The following CFAP44 variants were observed in gnomAD, a reference collection of about 807,000 sequenced individuals.
CFAP44 encodes cilia- and flagella-associated protein 44.
A neutral mutation model predicts 216.2 loss-of-function variants in CFAP44; 134 were observed. The observed-to-expected ratio is 0.62, with a 90% CI of 0.54 to 0.72. The LOEUF is 0.72. CFAP44 is among the 30% of genes least tolerant of loss of function. CFAP44 has a pLI of 0.00. For synonymous variants in CFAP44, 700 were observed against 727.6 expected (o/e 0.96, Z 0.61); for missense variants, 2,035 against 2,182.1 (o/e 0.93, Z 1.34).
At chr3:113,377,664 TA>T (rs1933386040) in intron 17 of CFAP44, among the ~76,000 whole-genome samples, 1 of 152,106 alleles carries the variant, frequency 6.6e-6, no homozygotes, top group African/African-American at 2.4e-5. Context: ...AACATATATA[TA>T]TTTTTTGAGA....
chr3:113,357,838 T>G (rs893445154), intron 22 of CFAP44, among the ~76,000 whole-genome samples: 1 of 152,116 alleles, frequency 6.6e-6, no homozygotes, highest in African/African-American at 2.4e-5. Flanking sequence ...GTTCCACAAC[T>G]GAGTATATAA....
intron 1 of CFAP44, among the ~76,000 whole-genome samples, chr3:113,439,079 A>G (rs956954897): frequency 2.0e-5 from 3 of 152,210 alleles, no homozygotes; most frequent in Non-Finnish European, 4.4e-5. Context: ...TCTACATTCT[A>G]TTAGTAAACT....
chr3:113,339,326 G>T (rs1950309444), intron 24 of CFAP44, among the ~76,000 whole-genome samples: 1 of 152,342 alleles, frequency 6.6e-6, no homozygotes, highest in Middle Eastern at 3.4e-3. Context: ...AGGGAATAGA[G>T]GCAGCCCTCA....
chr3:113,307,869 A>G (rs1950001289), intron 29 of CFAP44, among the ~76,000 whole-genome samples: 1 of 152,104 alleles, frequency 6.6e-6, no homozygotes, highest in Non-Finnish European at 1.5e-5. Flanking sequence ...AGTCCCAACT[A>G]CTCGGGAGGC....
chr3:113,359,537 C>T (rs35765657), intron 21 of CFAP44, among the ~76,000 whole-genome samples: 19,171 of 152,082 alleles, frequency 0.13, 1,248 homozygotes, highest in Non-Finnish European at 0.15. Flanking sequence ...AATTTTATTA[C>T]CCATGCTCTG....
chr3:113,347,630 C>A (rs535575004), intron 22 of CFAP44, among the ~76,000 whole-genome samples: 1 of 152,142 alleles, frequency 6.6e-6, no homozygotes, highest in South Asian at 2.1e-4. Flanking sequence ...GGTGGGGAGA[C>A]CAACTATCCT....
At chr3:113,389,475 G>A (rs1933736977) in intron 15 of CFAP44, among the ~76,000 whole-genome samples, 1 of 151,746 alleles carries the variant, frequency 6.6e-6, no homozygotes, top group Non-Finnish European at 1.5e-5. Context: ...AAAAGCAAGT[G>A]CAAACCAAAC....
intron 24 of CFAP44, among the ~76,000 whole-genome samples, chr3:113,340,784 G>C (rs760001882): frequency 1.3e-5 from 2 of 152,228 alleles, no homozygotes; most frequent in Non-Finnish European, 2.9e-5. Flanking sequence ...TTATCACAAG[G>C]ACAGAGGGAT....
intron 14 of CFAP44, 124 bp downstream of exon 14, chr3:113,396,394 G>A (rs1933991129): frequency 9.0e-7 from 1 of 1,115,108 alleles, no homozygotes; most frequent in Non-Finnish European, 1.3e-6. Context: ...TACAAAGAAA[G>A]CAAAATGTGA....
At chr3:113,294,308 C>T (rs1949859203) in intron 34 of CFAP44, 1 of 290,968 alleles carries the variant, frequency 3.4e-6, no homozygotes, top group Non-Finnish European at 6.7e-6. Context: ...GGGTAGATTT[C>T]ACCACTCAAG....
intron 28 of CFAP44, among the ~76,000 whole-genome samples, chr3:113,319,365 G>A (rs889896154): frequency 6.6e-5 from 10 of 152,110 alleles, no homozygotes; most frequent in Middle Eastern, 3.2e-3. Flanking sequence ...GATAAAGAGT[G>A]CAATCCAACA....
At chr3:113,389,549 A>G (rs1022328928) in intron 15 of CFAP44, among the ~76,000 whole-genome samples, 2 of 152,102 alleles carry the variant, frequency 1.3e-5, no homozygotes, top group African/African-American at 4.8e-5. Context: ...ATTGAAAGAA[A>G]ACAAAAGATC....
In CFAP44 at chr3:113,399,951, C is replaced by T. The variant is rs140307657; in HGVS notation, c.1524G>A (p.Met508Ile). The T allele has an allele frequency of 2.1e-4, 333 of 1,603,326 alleles. 1 individual carries two copies. The African/African-American group carries it at 3.9e-3, about 19-fold the overall frequency. Residue 508 changes from methionine (M) to isoleucine (I), a missense_variant, in exon 13 of 35, where the codon ATG becomes ATA. By Grantham distance (10) the Met-to-Ile change is conservative. This residue lies in a region of CFAP44 where 1,883 missense variants were observed against 2,023.7 expected (regional missense o/e 0.93). Coordinates refer to ENST00000393845, the MANE Select transcript of CFAP44 (RefSeq NM_001164496.2). The part of the protein sequence containing the change: ...DFASKTPLAQ[M>I]KFKQGGTALV... ...GGGCAGTACCTCCTTGTTTGAATTTCATCTGGGCCAAAGGAGTTTTGCTAG... is the reference window on the plus strand; with the variant it reads ...GGGCAGTACCTCCTTGTTTGAATTTTATCTGGGCCAAAGGAGTTTTGCTAG...
rs1429281199 is a variant in CFAP44, at chr3:113,427,267, T to C, written c.173A>G (p.Tyr58Cys). ...DETFTKGEGS[Y>C]LEEDSDEERL... Reference sequence around the variant, plus strand: ...TTCCTCATCTGAGTCTTCTTCTAAATATGATCCTTCCCCTTTGGTAAATGT... The same window carrying C: ...TTCCTCATCTGAGTCTTCTTCTAAACATGATCCTTCCCCTTTGGTAAATGT... The change falls in exon 3 of 35, where the codon TAT becomes TGT. Residue 58 changes from tyrosine to cysteine, a missense_variant. Physicochemically the swap from Tyr to Cys is radical, Grantham distance 194. Transcript: ENST00000393845. 2 of 1,613,568 alleles carry C rather than the reference T, an allele frequency of 1.2e-6. No homozygotes were observed. Among genetic ancestry groups the C allele is most frequent in the East Asian group, 2.2e-5 (1 of 44,792 alleles).
chr3:113,423,881 T>C (rs958300400), intron 4 of CFAP44, among the ~76,000 whole-genome samples: 2 of 152,156 alleles, frequency 1.3e-5, no homozygotes, highest in South Asian at 2.1e-4. Context: ...GAAAGTGACA[T>C]ACAGAAAACG....
intron 34 of CFAP44, chr3:113,294,174 G>A: frequency 2.5e-6 from 1 of 397,776 alleles, no homozygotes; most frequent in Non-Finnish European, 5.0e-6. Context: ...ACTTGGATTG[G>A]GTAAATATTA....
chr3:113,311,945 G>A (rs578055480), intron 28 of CFAP44, among the ~76,000 whole-genome samples: 21 of 152,152 alleles, frequency 1.4e-4, no homozygotes, highest in Non-Finnish European at 2.5e-4. Context: ...GAGATTTGTG[G>A]AACTTTGAAC....
At chr3:113,394,800 C>T (rs1204217456) in intron 15 of CFAP44, among the ~76,000 whole-genome samples, 1 of 152,192 alleles carries the variant, frequency 6.6e-6, no homozygotes, top group Admixed American at 6.5e-5. Flanking sequence ...ATTCAAAGCC[C>T]ACATGCATGC....
intron 2 of CFAP44, chr3:113,429,080 A>G (rs557259102): frequency 6.6e-6 from 1 of 152,114 alleles, no homozygotes; most frequent in Non-Finnish European, 1.5e-5. Context: ...TACTTTATAA[A>G]AAATTTATAA....
Sources: allele counts gnomAD v4.1 joint callset (sites outside exome capture counted in the v4.1 genomes callset), GRCh38; gene constraint gnomAD v4.1.1; regional missense constraint gnomAD v4.1.1; transcripts MANE v1.5; gene names NCBI Gene and HGNC (gene_info 2026-07-23, HGNC 2026-07-21).